The following CDC42BPA variants were observed in gnomAD, a reference collection of about 807,000 sequenced individuals.
The protein encoded by CDC42BPA is serine/threonine-protein kinase MRCK alpha.
In CDC42BPA, 80 loss-of-function variants were observed where a neutral mutation model predicts 223.5. The ratio of observed to expected loss-of-function variants is 0.36; its 90% confidence interval spans 0.30 to 0.43. CDC42BPA has a LOEUF of 0.43. Among genes scored for constraint, CDC42BPA ranks in the 20% least tolerant of loss-of-function variants. CDC42BPA has a pLI of 1.00. For synonymous variants in CDC42BPA, 694 were observed against 718.6 expected, an observed-to-expected ratio of 0.97 and a Z score of 0.55; for missense variants, 1,743 against 2,099.9, an observed-to-expected ratio of 0.83 and a Z score of 3.32.
rs1447758539 is a variant in CDC42BPA at position 227,020,320 on chromosome 1, T to TTA, written c.4615+2942_4615+2943insTA. On this transcript the variant is annotated intron_variant, in intron 32 of 36. Transcript: ENST00000366766. ...CAGCCTGTCCTTTGAAGCCAGACAT[T>TTA]GACTTCTCTCTAGCTATGAAAGTCC... Among the ~76,000 whole-genome samples, 14 of 152,360 alleles carry TTA rather than the reference T, an allele frequency of 9.2e-5. 1 individual carries two copies. In the East Asian group the frequency reaches 2.3e-3, roughly 25 times the overall value.
At position 227,034,755 on chromosome 1, in the gene CDC42BPA, C is replaced by T; in HGVS notation, c.3376G>A (p.Ala1126Thr). The T allele has an allele frequency of 6.2e-7, 1 of 1,613,336 alleles. No individual in the cohort carries two copies. The highest frequency in any genetic ancestry group is 8.5e-7 in the Non-Finnish European group (1 of 1,179,536). Residue 1126 changes from alanine (A) to threonine (T), a missense_variant, in exon 26 of 37, where the codon GCA becomes ACA. By Grantham distance (58) the Ala-to-Thr change is moderately conservative. Coordinates refer to ENST00000366766, the MANE Select transcript of CDC42BPA (RefSeq NM_001394014.1). The part of the protein sequence containing the change: ...PAGVKKGWQR[A>T]LAIVCDFKLF... ...TTGAAGTCACACACTATAGCCAGTGCTCTCTGCCACCCTTTCTTCACTCCA... is the reference window on the plus strand; with the variant it reads ...TTGAAGTCACACACTATAGCCAGTGTTCTCTGCCACCCTTTCTTCACTCCA...
At chr1:227,189,221 C>T (rs1669321666) in intron 5 of CDC42BPA, among the ~76,000 whole-genome samples, 1 of 152,000 alleles carries the variant, frequency 6.6e-6, no homozygotes, top group Non-Finnish European at 1.5e-5. Flanking sequence ...TATGCTTATA[C>T]CCCTGCATTT....
rs1366881892 is a variant in CDC42BPA, at chr1:227,119,919, T to C, written c.1532A>G (p.Gln511Arg). Reference protein sequence around the residue: ...KQVTESSHLEQQLEEANAVRQ... With the variant: ...KQVTESSHLERQLEEANAVRQ... ...CACAGCATTAGCTTCTTCAAGTTGC[T>C]GTTCCAAATGACTTGATTCTAAAAA... is the stretch of plus-strand genomic sequence containing the variant. The change falls in exon 12 of 37, where the codon CAG becomes CGG. Residue 511 changes from glutamine to arginine, a missense_variant. Physicochemically the swap from Gln to Arg is conservative, Grantham distance 43. Transcript: ENST00000366766. 3.8e-6 allele frequency: 6 copies of C among 1,594,962 alleles called. No homozygotes were observed.
intron 32 of CDC42BPA, among the ~76,000 whole-genome samples, chr1:227,018,776 T>A (rs995805446): frequency 2.0e-5 from 3 of 152,228 alleles, no homozygotes; most frequent in Non-Finnish European, 4.4e-5. Flanking sequence ...GCATATACAT[T>A]ATGTTTACAT....
chr1:227,229,902 T>C (rs1300221062), intron 2 of CDC42BPA, among the ~76,000 whole-genome samples: 2 of 152,232 alleles, frequency 1.3e-5, no homozygotes, highest in Non-Finnish European at 2.9e-5. Context: ...GAAGTTTTAC[T>C]GATTATGTGT....
chr1:227,022,414 C>G (rs1667544531), intron 32 of CDC42BPA, among the ~76,000 whole-genome samples: 1 of 146,380 alleles, frequency 6.8e-6, no homozygotes, highest in African/African-American at 2.5e-5. Flanking sequence ...GCCTGGGCAA[C>G]AGAGTGAGAC....
chr1:227,303,191 A>T (rs1691966294), intron 1 of CDC42BPA, among the ~76,000 whole-genome samples: 1 of 152,088 alleles, frequency 6.6e-6, no homozygotes, highest in Admixed American at 6.5e-5. Context: ...CCTTGGGTGA[A>T]ACCCCCTGAT....
chr1:227,164,603 C>T (rs1423945691), intron 5 of CDC42BPA, among the ~76,000 whole-genome samples: 1 of 152,064 alleles, frequency 6.6e-6, no homozygotes. Context: ...GAGTTCAAAG[C>T]TGTTGTGAGC....
intron 21 of CDC42BPA, among the ~76,000 whole-genome samples, chr1:227,060,728 T>G (rs1675735764): frequency 7.0e-6 from 1 of 142,474 alleles, no homozygotes; most frequent in African/African-American, 2.6e-5. Context: ...TTTTTTTTTT[T>G]TTTTTTTTTT....
rs1686431835 is a variant in CDC42BPA, at chr1:227,273,901, G to A, written c.179-19746C>T. ...CAAATAACCCAAAGCTCTTGGAACA[G>A]CTTAGCCAATGAGAGATGACAGGTT... On this transcript the variant is annotated intron_variant, in intron 1 of 36. Coordinates refer to ENST00000366766, the MANE Select transcript of CDC42BPA (RefSeq NM_001394014.1). Among the ~76,000 whole-genome samples, 7 of 145,030 alleles carry A rather than the reference G, an allele frequency of 4.8e-5. No individual in the cohort carries two copies. In the South Asian group the frequency reaches 1.6e-3, roughly 32 times the overall value.
rs953437241 is a variant in CDC42BPA at position 227,037,837 on chromosome 1, T to C, written c.3200-2230A>G. Among the ~76,000 whole-genome samples, 9 of 152,336 alleles carry C rather than the reference T, an allele frequency of 5.9e-5. 1 individual carries two copies. In the East Asian group the frequency reaches 1.3e-3, roughly 23 times the overall value. The stretch of plus-strand genomic sequence containing the variant: ...TTTCTTTTGCACCAAAATAAATGCA[T>C]ACTAACTTGTTATAATATGTCTGAA... On this transcript the variant is annotated intron_variant, in intron 24 of 36. Transcript: ENST00000366766.
intron 15 of CDC42BPA, among the ~76,000 whole-genome samples, chr1:227,099,299 C>G (rs1684570437): frequency 6.6e-6 from 1 of 151,546 alleles, no homozygotes; most frequent in Non-Finnish European, 1.5e-5. Context: ...AGGAAGTATT[C>G]CCGAAGAAGG....
chr1:227,299,140 T>G (rs1691214255), intron 1 of CDC42BPA, among the ~76,000 whole-genome samples: 1 of 152,218 alleles, frequency 6.6e-6, no homozygotes, highest in African/African-American at 2.4e-5. Flanking sequence ...TTGAGCCATG[T>G]GCAGAGAATT....
chr1:227,059,392 G>T (rs868119638), intron 21 of CDC42BPA: 1 of 1,564,044 alleles, frequency 6.4e-7, no homozygotes. Flanking sequence ...TTTGCTAGCT[G>T]GAGTACAGGA....
chr1:227,022,317 T>C (rs963423828), intron 32 of CDC42BPA, among the ~76,000 whole-genome samples: 1 of 151,542 alleles, frequency 6.6e-6, no homozygotes, highest in African/African-American at 2.4e-5. Flanking sequence ...CCTATAATCC[T>C]AGCTACTCAG....
chr1:227,145,378 A>G (rs538797404), intron 8 of CDC42BPA, 111 bp downstream of exon 8: 11 of 899,442 alleles, frequency 1.2e-5, no homozygotes, highest in Admixed American at 1.2e-4. Flanking sequence ...CTGACTAATA[A>G]CTGATCATTG....
chr1:227,235,788 C>T (rs1379716194), intron 2 of CDC42BPA, among the ~76,000 whole-genome samples: 1 of 152,166 alleles, frequency 6.6e-6, no homozygotes, highest in East Asian at 1.9e-4. Flanking sequence ...ACCAGAGCAT[C>T]TCCAGAGAGT....
chr1:227,222,289 A>G lies in CDC42BPA; in HGVS notation c.271-9070T>C, dbSNP rs1300505479. ...TTTGGGAGGCCAAGGAAGGCGGATC[A>G]CTTAAAGTTAGGAGTTTGAGACCAG... On this transcript the variant is annotated intron_variant, in intron 2 of 36. Transcript: ENST00000366766. Among the ~76,000 whole-genome samples, 6 of 152,090 alleles carry G rather than the reference A, an allele frequency of 3.9e-5. No homozygotes were observed. In the East Asian group the frequency reaches 5.8e-4, roughly 15 times the overall value.
intron 14 of CDC42BPA, among the ~76,000 whole-genome samples, chr1:227,107,243 T>A (rs1686091417): frequency 6.6e-6 from 1 of 152,196 alleles, no homozygotes; most frequent in Non-Finnish European, 1.5e-5. Flanking sequence ...TGTTTTGTCA[T>A]TTTTAGTTGG....
Sources: allele counts gnomAD v4.1 joint callset (sites outside exome capture counted in the v4.1 genomes callset), GRCh38; gene constraint gnomAD v4.1.1; transcripts MANE v1.5; gene names NCBI Gene and HGNC (gene_info 2026-07-23, HGNC 2026-07-21).